TRAF3IP2: variants seen among roughly 807,000 people sequenced by gnomAD.
The protein encoded by TRAF3IP2 is E3 ubiquitin ligase TRAF3IP2.
In TRAF3IP2, 35 loss-of-function variants were observed where a neutral mutation model predicts 57.9. The ratio of observed to expected loss-of-function variants is 0.60; its 90% CI spans 0.46 to 0.80. TRAF3IP2 has a LOEUF of 0.80. Among genes scored for constraint, TRAF3IP2 ranks in the 30% least tolerant of loss-of-function variants. The pLI, the probability that TRAF3IP2 is intolerant of heterozygous loss-of-function variation, is 0.00. For synonymous variants in TRAF3IP2, 251 were observed against 268.9 expected, an observed-to-expected ratio of 0.93 and a Z score of 0.65; for missense variants, 556 against 706.4, an observed-to-expected ratio of 0.79 and a Z score of 2.41.
intron 5 of TRAF3IP2, among the ~76,000 whole-genome samples, chr6:111,570,982 C>T (rs1795811494): frequency 6.6e-6 from 1 of 151,896 alleles, no homozygotes; most frequent in African/African-American, 2.4e-5. Flanking sequence ...TGCCGGCTTA[C>T]TACAACTTCC....
rs960458436 is a variant in TRAF3IP2, at chr6:111,588,675, G to A, written c.829+2583C>T. ...AAGCCTTAAGTATTCACAGTTCTTC[G>A]CATTAATCTAAGGAGTTAATCGGAA... On this transcript the variant is annotated intron_variant, in intron 2 of 8. Transcript: ENST00000368761. Among the ~76,000 whole-genome samples, 22 of 152,210 alleles carry A rather than the reference G, an allele frequency of 1.4e-4. No homozygotes were observed. The East Asian group carries it at 2.9e-3, about 20-fold the overall frequency.
In TRAF3IP2 at chr6:111,559,202, T is replaced by G. The variant is rs1583209824; in HGVS notation, c.*203A>C. 1.7e-6 allele frequency: 1 copy of G among 592,824 alleles called. No homozygotes were observed. Among genetic ancestry groups the G allele is most frequent in the Non-Finnish European group, 2.8e-6 (1 of 353,526 alleles). The allele number at this position is 592,824 out of a possible 1,614,324, so 36.7% of individuals were successfully genotyped here. ...TTTAAAAGCAGAGAATGCAGAGCAG[T>G]CACAGACTCCACTTCAAAGCCAGGG... On this transcript the variant is annotated 3_prime_UTR_variant, in exon 9 of 9. Coordinates refer to ENST00000368761, the MANE Select transcript of TRAF3IP2 (RefSeq NM_147686.4).
chr6:111,587,518 G>A (rs1158824841), intron 2 of TRAF3IP2, among the ~76,000 whole-genome samples: 1 of 151,950 alleles, frequency 6.6e-6, no homozygotes, highest in Non-Finnish European at 1.5e-5. Flanking sequence ...GCCTCCCAAG[G>A]TGTTGGGATT....
intron 3 of TRAF3IP2, among the ~76,000 whole-genome samples, chr6:111,577,919 C>T (rs1796040293): frequency 1.3e-5 from 2 of 151,594 alleles, no homozygotes; most frequent in Admixed American, 1.3e-4. Flanking sequence ...CGCTATGTTG[C>T]CCAGGCTGGT....
At position 111,558,599 on chromosome 6, in the gene TRAF3IP2, A is replaced by G; in HGVS notation, c.*806T>C. On this transcript the variant is annotated 3_prime_UTR_variant, in exon 9 of 9. Transcript: ENST00000368761. ...AGGTGCACACCACCATGCCCGGCTA[A>G]CTTTTTTGTAATTTTAGCAGAGATG... 1 of 152,098 alleles carries G rather than the reference A, an allele frequency of 6.6e-6. No individual in the cohort carries two copies. The highest frequency in any genetic ancestry group is 1.9e-4 in the East Asian group (1 of 5,184). 9.4% of individuals were successfully genotyped at this position (152,098 alleles called of 1,614,324 possible).
chr6:111,556,095 T>C lies in TRAF3IP2; in HGVS notation c.*3310A>G, dbSNP rs1443863520. Among the ~76,000 whole-genome samples, 1 of 101,948 alleles carries C rather than the reference T, an allele frequency of 9.8e-6. No individual in the cohort carries two copies. Among genetic ancestry groups the C allele is most frequent in the African/African-American group, 3.6e-5 (1 of 28,016 alleles). The allele number at this position is 101,948 out of a possible 152,430, so 66.9% of individuals were successfully genotyped here. On this transcript the variant is annotated 3_prime_UTR_variant, in exon 9 of 9. Coordinates refer to ENST00000368761, the MANE Select transcript of TRAF3IP2 (RefSeq NM_147686.4). The stretch of plus-strand genomic sequence containing the variant: ...TCTAGCCTGGGTGACAGAGCGAGAC[T>C]ACGTCTCAAAAAAAAAAAAAAAAAA...
intron 2 of TRAF3IP2, among the ~76,000 whole-genome samples, chr6:111,589,634 G>A (rs1172665076): frequency 6.6e-6 from 1 of 152,042 alleles, no homozygotes; most frequent in Non-Finnish European, 1.5e-5. Context: ...AGGCATCAGA[G>A]GCTCTTTCTC....
In TRAF3IP2 at chr6:111,591,963, T is replaced by C; in HGVS notation, c.124A>G (p.Met42Val). 6.2e-7 allele frequency: 1 copy of C among 1,614,246 alleles called. No individual in the cohort carries two copies. The highest frequency in any genetic ancestry group is 8.5e-7 in the Non-Finnish European group (1 of 1,180,040). ...GGTGCAGACAAGCTGTTGGGTGCCA[T>C]GTTCCTTATATTTGGAGCAGGTGGT... is the stretch of plus-strand genomic sequence containing the variant. ...SEPPAPNIRN[M>V]APNSLSAPTM... The change falls in exon 2 of 9, where the codon ATG (methionine) becomes GTG (valine). Residue 42 changes from methionine to valine, a missense_variant. Physicochemically the swap from Met to Val is conservative, Grantham distance 21 (BLOSUM62 1). This residue lies in a region of TRAF3IP2 where 428 missense variants were observed against 498.7 expected (regional missense o/e 0.86). Transcript: ENST00000368761. This position sits in a 1 kb window ranked among gnomAD's most constrained non-coding sequence, Gnocchi z 4.9.
chr6:111,602,247 A>T (rs1412528280), intron 1 of TRAF3IP2: 1 of 151,446 alleles, frequency 6.6e-6, no homozygotes, highest in Non-Finnish European at 1.5e-5. Flanking sequence ...GAACACACTG[A>T]CTCCATCACA....
chr6:111,580,511 AC>A, intron 2 of TRAF3IP2, 122 bp from the exon 3 acceptor site: 1 of 760,266 alleles, frequency 1.3e-6, no homozygotes, highest in Non-Finnish European at 1.9e-6. Context: ...GATATCTGTT[AC>A]CACCTCTGTG....
intron 1 of TRAF3IP2, chr6:111,601,176 T>C (rs544781209): frequency 1.3e-6 from 1 of 776,092 alleles, no homozygotes; most frequent in South Asian, 1.3e-5. Flanking sequence ...CTGTAATAAA[T>C]ATGCTTCAGA....
chr6:111,590,642 A>G (rs1355613330), intron 2 of TRAF3IP2, among the ~76,000 whole-genome samples: 1 of 152,138 alleles, frequency 6.6e-6, no homozygotes, highest in African/African-American at 2.4e-5. Flanking sequence ...ACGCATGGAG[A>G]TGTGAACCAT....
In TRAF3IP2 at chr6:111,600,922, CT is replaced by C. The variant is rs367857114; in HGVS notation, c.-9+4853del. On this transcript the variant is annotated intron_variant, in intron 1 of 8. Coordinates refer to ENST00000368761, the MANE Select transcript of TRAF3IP2 (RefSeq NM_147686.4). Reference sequence around the variant, plus strand: ...TTAACTTACTTAATCCTCACACCCACTCTAATTTCCTAAGTACTATTGTCAG... The same window carrying C: ...TTAACTTACTTAATCCTCACACCCACCTAATTTCCTAAGTACTATTGTCAG... 58 of 310,530 alleles carry C rather than the reference CT, an allele frequency of 1.9e-4. 1 individual carries two copies. Among genetic ancestry groups the C allele is most frequent in the African/African-American group, 1.2e-3 (55 of 47,444 alleles). The allele number at this position is 310,530 out of a possible 1,614,324, so 19.2% of individuals were successfully genotyped here.
chr6:111,572,736 A>G lies in TRAF3IP2; in HGVS notation c.1290+159T>C. 7.6e-6 allele frequency: 5 copies of G among 658,508 alleles called. No homozygotes were observed. The South Asian group carries it at 9.9e-5, about 13-fold the overall frequency. The allele number at this position is 658,508 out of a possible 1,614,324, so 40.8% of individuals were successfully genotyped here. A position where few individuals can be genotyped will look rare whatever the true frequency, so the allele number is the denominator to read the frequency against. Reference sequence around the variant, plus strand: ...AGACTTCAGATAGCTTAAAATCTAGAAAATTATTACCTAAATCTATAAGCA... The same window carrying G: ...AGACTTCAGATAGCTTAAAATCTAGGAAATTATTACCTAAATCTATAAGCA... On this transcript the variant is annotated intron_variant, in intron 5 of 8. Coordinates refer to ENST00000368761, the MANE Select transcript of TRAF3IP2 (RefSeq NM_147686.4).
chr6:111,605,479 A>G (rs1378309912), intron 1 of TRAF3IP2, among the ~76,000 whole-genome samples: 1 of 152,230 alleles, frequency 6.6e-6, no homozygotes, highest in Non-Finnish European at 1.5e-5. Context: ...TACCCAAACG[A>G]ATGGTTCCCA....
intron 1 of TRAF3IP2, among the ~76,000 whole-genome samples, chr6:111,594,148 G>C (rs1554265176): frequency 8.1e-5 from 7 of 86,936 alleles, no homozygotes; most frequent in East Asian, 3.1e-4. Flanking sequence ...AAAAAAAAAT[G>C]CTCACCATTT....
chr6:111,568,511 G>A (rs979777738), intron 5 of TRAF3IP2, among the ~76,000 whole-genome samples: 3 of 150,326 alleles, frequency 2.0e-5, no homozygotes, highest in African/African-American at 4.9e-5. Flanking sequence ...GTGTGTTTAC[G>A]AGATGCTCTT....
rs774054011 is a variant in TRAF3IP2, at chr6:111,591,741, G to C, written c.346C>G (p.Pro116Ala). Reference sequence around the variant, plus strand: ...GCTCCAACCACAGACTCAGACGCAGGCTCGCTGACTGCAGAGCACCCAGAA... The same window carrying C: ...GCTCCAACCACAGACTCAGACGCAGCCTCGCTGACTGCAGAGCACCCAGAA... ...FPSGCSAVSE[P>A]ASESVVGALP... Residue 116 changes from proline (P) to alanine (A), a missense_variant, in exon 2 of 9, where the codon CCT becomes GCT. Coordinates refer to ENST00000368761, the MANE Select transcript of TRAF3IP2 (RefSeq NM_147686.4). This position sits in a 1 kb window ranked among gnomAD's most constrained non-coding sequence, Gnocchi z 4.9. 6.2e-7 allele frequency: 1 copy of C among 1,614,194 alleles called. No individual in the cohort carries two copies. The highest frequency in any genetic ancestry group is 8.5e-7 in the Non-Finnish European group (1 of 1,180,036).
intron 7 of TRAF3IP2, among the ~76,000 whole-genome samples, chr6:111,564,347 G>A (rs1166412733): frequency 2.0e-5 from 3 of 152,124 alleles, no homozygotes; most frequent in Non-Finnish European, 4.4e-5. Flanking sequence ...AAGGGGATGG[G>A]GTGCATAAGT....
Sources: gnomAD v4.1 joint callset for allele counts (sites outside exome capture counted in the v4.1 genomes callset) on GRCh38, gnomAD v4.1.1 for gene constraint, gnomAD v4.1.1 regional missense constraint, Gnocchi (gnomAD v3.1) non-coding constraint, MANE v1.5 for transcripts, NCBI Gene and HGNC (gene_info 2026-07-23, HGNC 2026-07-21) for gene names.